Variants in MGAM2 observed in about 807,000 individuals in gnomAD.
The protein encoded by MGAM2 is maltase-glucoamylase 2 (putative), also known as probable maltase-glucoamylase 2.
In MGAM2, 98 loss-of-function variants were observed where a neutral mutation model predicts 96.1. The observed-to-expected ratio is 1.02, with a 90% CI of 0.87 to 1.21. The LOEUF (loss-of-function observed/expected upper bound fraction) is 1.21, where lower values mean the gene tolerates loss of function less well. Among genes scored for constraint, MGAM2 ranks in the 50% most tolerant of loss-of-function variants. The pLI is 0.00. For synonymous variants in MGAM2, 749 were observed against 414.8 expected, an observed-to-expected ratio of 1.81 and a Z score of -9.79; for missense variants, 2,055 against 1,182.4, an observed-to-expected ratio of 1.74 and a Z score of -10.82.
intron 3 of MGAM2, among the ~76,000 whole-genome samples, chr7:142,129,163 G>T (rs1794810661): frequency 6.6e-6 from 1 of 152,204 alleles, no homozygotes; most frequent in South Asian, 2.1e-4. Flanking sequence ...TTGGATTTCA[G>T]ACTTGCATGG....
At chr7:142,146,494 T>G (rs918357750) in intron 14 of MGAM2, among the ~76,000 whole-genome samples, 2 of 152,144 alleles carry the variant, frequency 1.3e-5, no homozygotes, top group Non-Finnish European at 2.9e-5. Flanking sequence ...CAGTCTTTCC[T>G]GGTCCCACCA....
At chr7:142,135,537 A>G (rs187574053) in intron 7 of MGAM2, among the ~76,000 whole-genome samples, 1 of 152,070 alleles carries the variant, frequency 6.6e-6, no homozygotes. Context: ...CATCTAGCTG[A>G]GGCTTATTGA....
chr7:142,178,875 G>A (rs1235748709), intron 32 of MGAM2, among the ~76,000 whole-genome samples: 1 of 152,016 alleles, frequency 6.6e-6, no homozygotes, highest in African/African-American at 2.4e-5. Flanking sequence ...CCATTGTAAT[G>A]ATGTTAATTC....
chr7:142,206,810 A>C (rs1797415022), intron 45 of MGAM2, among the ~76,000 whole-genome samples: 1 of 152,230 alleles, frequency 6.6e-6, no homozygotes, highest in South Asian at 2.1e-4. Context: ...GTGTCATTTA[A>C]ATGTTCTATT....
chr7:142,164,233 A>G (rs1459649893), intron 23 of MGAM2, among the ~76,000 whole-genome samples: 1 of 152,136 alleles, frequency 6.6e-6, no homozygotes, highest in African/African-American at 2.4e-5. Context: ...TTCAGTCTTA[A>G]TTTCTACCTT....
At chr7:142,199,247 C>T (rs573249296) in intron 44 of MGAM2, among the ~76,000 whole-genome samples, 11 of 152,230 alleles carry the variant, frequency 7.2e-5, no homozygotes, top group South Asian at 4.1e-4. Flanking sequence ...AAACAGAACA[C>T]GTCACATCAA....
chr7:142,162,947 C>T (rs1289755239), intron 23 of MGAM2, among the ~76,000 whole-genome samples: 8 of 152,034 alleles, frequency 5.3e-5, no homozygotes, highest in Non-Finnish European at 1.2e-4. Flanking sequence ...TGCTTCTTCC[C>T]CAATCCCTCC....
chr7:142,216,125 T>C (rs1372668654), intron 46 of MGAM2, among the ~76,000 whole-genome samples: 1 of 152,220 alleles, frequency 6.6e-6, no homozygotes, highest in Non-Finnish European at 1.5e-5. Flanking sequence ...CAGGTCATAT[T>C]GTTCCATCCT....
intron 24 of MGAM2, 69 bp downstream of exon 24, chr7:142,165,092 C>G: frequency 1.7e-6 from 1 of 601,038 alleles, no homozygotes; most frequent in South Asian, 2.1e-5. Flanking sequence ...CCCTACTTTG[C>G]TCTTTTAACT....
chr7:142,156,423 C>T (rs1016432626), intron 17 of MGAM2, among the ~76,000 whole-genome samples: 2 of 152,136 alleles, frequency 1.3e-5, no homozygotes, highest in Admixed American at 1.3e-4. Context: ...AAATGCAATT[C>T]TACCAAAGCA....
chr7:142,168,363 G>A (rs552341560), intron 26 of MGAM2, among the ~76,000 whole-genome samples: 12 of 151,528 alleles, frequency 7.9e-5, no homozygotes, highest in Admixed American at 2.6e-4. Context: ...TCTGCCTCCC[G>A]AGTTCAAGCG....
chr7:142,185,059 G>A lies in MGAM2; in HGVS notation c.3925-18G>A. ...GCAAGGATCTGTAAAGGTTTTAATT[G>A]CCCTTCTTTTTCTCTAGGTTTGGCC... On this transcript the variant is annotated intron_variant, in intron 33 of 47. Transcript: ENST00000477922. 1.4e-6 allele frequency: 1 copy of A among 702,570 alleles called. No homozygotes were observed. The highest frequency in any genetic ancestry group is 2.6e-6 in the Non-Finnish European group (1 of 384,780). 43.5% of individuals were successfully genotyped at this position (702,570 alleles called of 1,614,324 possible).
Position 142,172,685 on chromosome 7 carries a change from ACC to A in MGAM2, c.3483_3484del (p.Tyr1161Ter), listed in dbSNP as rs1249171494. On this transcript the variant is annotated stop_gained and frameshift_variant, in exon 30 of 48. Transcript: ENST00000477922. LOFTEE classifies it high-confidence loss of function. ...TTACAGCCCACTCCTGCTCTGACAT[ACC>A]GCACCACAGGAGGGATTTTGGACTT... 2 of 705,184 alleles carry A rather than the reference ACC, an allele frequency of 2.8e-6. No homozygotes were observed. Among genetic ancestry groups the A allele is most frequent in the Non-Finnish European group, 5.2e-6 (2 of 385,900 alleles). The allele number at this position is 705,184 out of a possible 1,614,324, so 43.7% of individuals were successfully genotyped here.
chr7:142,125,651 A>G (rs1794714845), intron 3 of MGAM2, among the ~76,000 whole-genome samples: 1 of 152,190 alleles, frequency 6.6e-6, no homozygotes. Flanking sequence ...AAAAGATTGT[A>G]TGGTTATAAT....
At chr7:142,144,055 T>G in intron 13 of MGAM2, 173 bp downstream of exon 13, 1 of 457,614 alleles carries the variant, frequency 2.2e-6, no homozygotes. Flanking sequence ...ATTAGGCTCC[T>G]AAGAGCCTTA....
intron 45 of MGAM2, among the ~76,000 whole-genome samples, chr7:142,204,412 A>G (rs1003370305): frequency 1.3e-5 from 2 of 152,050 alleles, no homozygotes; most frequent in African/African-American, 4.8e-5. Context: ...TTCTCTCTTC[A>G]GAGCTCAGTT....
chr7:142,187,708 G>A (rs1563283773), intron 35 of MGAM2, 42 bp from the exon 36 acceptor site: 3 of 699,494 alleles, frequency 4.3e-6, no homozygotes, highest in Non-Finnish European at 7.8e-6. Context: ...AGGCCATCCT[G>A]CCCCTGACAT....
In MGAM2 at chr7:142,221,581, C is replaced by T. The variant is rs562326362; in HGVS notation, c.7070C>T (p.Thr2357Met). 8.7e-5 allele frequency: 46 copies of T among 527,018 alleles called. No individual in the cohort carries two copies. The highest frequency in any genetic ancestry group is 4.7e-4 in the African/African-American group (25 of 52,698). 32.6% of individuals were successfully genotyped at this position (527,018 alleles called of 1,614,324 possible). ...DTKSTMVIDA[T>M]VTTTSTKDNT... ...AAAAGTACCATGGTAATAGATGCTACGGTCACTACTACCAGCACCAAAGAT... is the reference window on the plus strand; with the variant it reads ...AAAAGTACCATGGTAATAGATGCTATGGTCACTACTACCAGCACCAAAGAT... Residue 2357 changes from threonine to methionine, a missense_variant, in exon 48 of 48, where the codon ACG (threonine) becomes ATG (methionine). Coordinates refer to ENST00000477922, the MANE Select transcript of MGAM2 (RefSeq NM_001293626.2).
rs1162809910 is a variant in MGAM2, at chr7:142,120,360, A to G, written c.165A>G (p.Thr55=). The part of the protein sequence containing the change: ...EIPQSERIDC[T]PDQEVTEDIC... Reference sequence around the variant, plus strand: ...CCCAGTCGGAAAGGATAGACTGCACACCTGACCAGGAGGTGACCGAGGTCA... The same window carrying G: ...CCCAGTCGGAAAGGATAGACTGCACGCCTGACCAGGAGGTGACCGAGGTCA... The change falls in exon 3 of 48, where the codon ACA becomes ACG. Residue 55 remains threonine, a synonymous_variant. Transcript: ENST00000477922. 1.4e-6 allele frequency: 1 copy of G among 703,036 alleles called. No homozygotes were observed. Among genetic ancestry groups the G allele is most frequent in the Non-Finnish European group, 2.6e-6 (1 of 385,014 alleles). 43.5% of individuals were successfully genotyped at this position (703,036 alleles called of 1,614,324 possible).
Sources: gnomAD v4.1 joint callset for allele counts (sites outside exome capture counted in the v4.1 genomes callset) on GRCh38, gnomAD v4.1.1 for gene constraint, MANE v1.5 for transcripts, NCBI Gene and HGNC (gene_info 2026-07-23, HGNC 2026-07-21) for gene names.